PRKCA: variants seen among roughly 807,000 people sequenced by gnomAD.
PRKCA encodes protein kinase C alpha, also known as protein kinase C alpha type.
In PRKCA, 27 loss-of-function variants were observed where a neutral mutation model predicts 87.0. That is an observed-to-expected ratio of 0.31 (90% CI 0.23 to 0.43). PRKCA has a LOEUF of 0.43. Ranked by LOEUF, PRKCA falls within the 20% of genes least tolerant of loss-of-function variation. PRKCA has a pLI of 1.00. For synonymous variants in PRKCA, 329 were observed against 311.1 expected (o/e 1.06, Z -0.61); for missense variants, 518 against 852.3 (o/e 0.61, Z 4.88).
intron 8 of PRKCA, among the ~76,000 whole-genome samples, chr17:66,702,861 C>A (rs1365721028): frequency 6.6e-6 from 1 of 152,132 alleles, no homozygotes; most frequent in Non-Finnish European, 1.5e-5. Context: ...ATGCTATAAA[C>A]CTGTACAGAT....
At chr17:66,681,048 G>A (rs929874719) in intron 5 of PRKCA, among the ~76,000 whole-genome samples, 1 of 152,200 alleles carries the variant, frequency 6.6e-6, no homozygotes, top group Non-Finnish European at 1.5e-5. Context: ...GGCCAACGTG[G>A]TGAAACCCCG....
chr17:66,683,777 T>A (rs1013300192), intron 5 of PRKCA, among the ~76,000 whole-genome samples: 1 of 152,114 alleles, frequency 6.6e-6, no homozygotes, highest in African/African-American at 2.4e-5. Flanking sequence ...TTTTTGTATT[T>A]TTAGTAGAAA....
chr17:66,557,001 C>G (rs1356316014), intron 3 of PRKCA, among the ~76,000 whole-genome samples: 1 of 152,134 alleles, frequency 6.6e-6, no homozygotes, highest in Non-Finnish European at 1.5e-5. Context: ...AATTTGCCAG[C>G]AGTTTGGAGC....
chr17:66,687,077 T>C, intron 5 of PRKCA, 34 bp from the exon 6 acceptor site: 1 of 1,573,026 alleles, frequency 6.4e-7, no homozygotes, highest in Non-Finnish European at 8.7e-7. Flanking sequence ...GTCTGTTCTC[T>C]TTTTGTAATA....
intron 2 of PRKCA, among the ~76,000 whole-genome samples, chr17:66,337,897 T>C (rs1906797287): frequency 6.6e-6 from 1 of 152,110 alleles, no homozygotes; most frequent in Non-Finnish European, 1.5e-5. Flanking sequence ...ACTTTGTGGC[T>C]TTCTATAAGT....
chr17:66,624,782 C>T (rs1329889992), intron 3 of PRKCA, among the ~76,000 whole-genome samples: 4 of 133,864 alleles, frequency 3.0e-5, no homozygotes, highest in Admixed American at 2.4e-4. Context: ...AGTGAGACTC[C>T]ATCTCAAATA....
At chr17:66,494,961 G>A (rs1025536300) in intron 2 of PRKCA, among the ~76,000 whole-genome samples, 1 of 151,938 alleles carries the variant, frequency 6.6e-6, no homozygotes, top group Non-Finnish European at 1.5e-5. Context: ...AATGAGCAGG[G>A]TGTGGTGGCA....
chr17:66,370,228 C>CTTTT lies in PRKCA; in HGVS notation c.205+64119_205+64122dup, dbSNP rs35851942. 4.0e-3 allele frequency among the ~76,000 whole-genome samples: 449 copies of CTTTT among 112,162 alleles called. 10 individuals are homozygous for CTTTT. The highest frequency in any genetic ancestry group is 5.0e-3 in the Non-Finnish European group (289 of 58,314). 73.6% of individuals were successfully genotyped at this position (112,162 alleles called of 152,430 possible). A position where few individuals can be genotyped will look rare whatever the true frequency, so the allele number is the denominator to read the frequency against. ...AGCGATAAATAAAGCTATTTTGATA[C>CTTTT]TTTTTTTTTTTTTTTTTTTTTGAGA... On this transcript the variant is annotated intron_variant, in intron 2 of 16. Coordinates refer to ENST00000413366, the MANE Select transcript of PRKCA (RefSeq NM_002737.3).
intron 2 of PRKCA, among the ~76,000 whole-genome samples, chr17:66,343,768 A>G (rs939578139): frequency 3.3e-5 from 5 of 152,194 alleles, no homozygotes; most frequent in African/African-American, 7.2e-5. Flanking sequence ...AGCTTGCACA[A>G]TAGGATGGAT....
At chr17:66,676,760 GAAGC>G (rs1972346144) in intron 5 of PRKCA, 1 of 152,364 alleles carries the variant, frequency 6.6e-6, no homozygotes, top group Admixed American at 6.5e-5. Context: ...CGGGAGAAAA[GAAGC>G]AAGCGTAAGG....
chr17:66,738,928 C>T (rs990134241), intron 11 of PRKCA, 73 bp downstream of exon 11: 1 of 1,194,844 alleles, frequency 8.4e-7, no homozygotes, highest in East Asian at 2.5e-5. Context: ...TTTTTTCCCC[C>T]CCGCTTGAGA....
At chr17:66,337,653 T>C (rs1906786444) in intron 2 of PRKCA, among the ~76,000 whole-genome samples, 1 of 152,196 alleles carries the variant, frequency 6.6e-6, no homozygotes, top group Non-Finnish European at 1.5e-5. Flanking sequence ...CCCAAAATTC[T>C]GGGATTACAG....
At chr17:66,388,514 G>A (rs1910189371) in intron 2 of PRKCA, among the ~76,000 whole-genome samples, 2 of 152,096 alleles carry the variant, frequency 1.3e-5, no homozygotes, top group South Asian at 2.1e-4. Flanking sequence ...GGCTGGTCTC[G>A]AACTCTTGAC....
intron 2 of PRKCA, among the ~76,000 whole-genome samples, chr17:66,360,299 C>T (rs906276253): frequency 1.3e-5 from 2 of 152,218 alleles, no homozygotes; most frequent in East Asian, 1.9e-4. Flanking sequence ...CAAGCCAGCC[C>T]GCCCTTACTT....
chr17:66,318,791 G>A (rs923818673), intron 2 of PRKCA, among the ~76,000 whole-genome samples: 3 of 151,922 alleles, frequency 2.0e-5, no homozygotes, highest in Non-Finnish European at 4.4e-5. Flanking sequence ...GGAGGCAGAG[G>A]TTGCAGTGAG....
intron 5 of PRKCA, among the ~76,000 whole-genome samples, chr17:66,666,453 T>G (rs548023558): frequency 2.0e-5 from 3 of 152,182 alleles, no homozygotes; most frequent in Non-Finnish European, 1.5e-5. Context: ...TTTGAACATA[T>G]TCATACTGGA....
At chr17:66,442,088 A>G (rs1352291834) in intron 2 of PRKCA, among the ~76,000 whole-genome samples, 1 of 149,936 alleles carries the variant, frequency 6.7e-6, no homozygotes. Flanking sequence ...TTTGAGATGG[A>G]GTCTCGCTCT....
At chr17:66,723,546 T>C (rs974189514) in intron 8 of PRKCA, among the ~76,000 whole-genome samples, 5 of 151,702 alleles carry the variant, frequency 3.3e-5, no homozygotes, top group South Asian at 2.1e-4. Context: ...GAGAATCGCT[T>C]GAACCCAGGA....
intron 15 of PRKCA, among the ~76,000 whole-genome samples, chr17:66,787,860 C>CTG (rs1313618075): frequency 6.6e-6 from 1 of 152,066 alleles, no homozygotes; most frequent in Non-Finnish European, 1.5e-5. Flanking sequence ...GTCTGCATTG[C>CTG]TGTGTGGGGC....
Sources: gnomAD v4.1 joint callset for allele counts (sites outside exome capture counted in the v4.1 genomes callset) on GRCh38, gnomAD v4.1.1 for gene constraint, MANE v1.5 for transcripts, NCBI Gene and HGNC (gene_info 2026-07-23, HGNC 2026-07-21) for gene names.